Variants in HPSE2 observed in about 807,000 individuals in gnomAD.
The protein encoded by HPSE2 is heparanase 2 (inactive).
A neutral mutation model predicts 60.5 loss-of-function variants in HPSE2; 38 were observed. The ratio of observed to expected loss-of-function variants is 0.63; its 90% confidence interval spans 0.48 to 0.82. The LOEUF is 0.82. Among genes scored for constraint, HPSE2 ranks in the 40% least tolerant of loss-of-function variants. The probability of loss-of-function intolerance (pLI) is 0.00; values close to 1 mark genes in which losing one functional copy is unlikely to be tolerated. For synonymous variants in HPSE2, 295 were observed against 293.2 expected (o/e 1.01, Z -0.06); for missense variants, 713 against 740.4 (o/e 0.96, Z 0.43).
At chr10:98,832,129 G>C (rs1255309822) in intron 3 of HPSE2, among the ~76,000 whole-genome samples, 1 of 152,060 alleles carries the variant, frequency 6.6e-6, no homozygotes, top group Non-Finnish European at 1.5e-5. Context: ...ATATCTAACT[G>C]CTAAAGAGGT....
intron 2 of HPSE2, among the ~76,000 whole-genome samples, chr10:99,149,198 G>A (rs1305150830): frequency 8.6e-5 from 13 of 151,994 alleles, no homozygotes; most frequent in Admixed American, 6.6e-4. Context: ...TCAGTTCCAC[G>A]TGAGAAAACT....
intron 9 of HPSE2, among the ~76,000 whole-genome samples, chr10:98,547,547 T>A (rs1345782441): frequency 6.8e-6 from 1 of 146,104 alleles, no homozygotes; most frequent in Admixed American, 6.9e-5. Context: ...CAGTAAACTA[T>A]CGCAAGGACA....
At chr10:98,484,884 T>C (rs955585202) in intron 10 of HPSE2, among the ~76,000 whole-genome samples, 5 of 152,110 alleles carry the variant, frequency 3.3e-5, no homozygotes, top group Non-Finnish European at 7.4e-5. Context: ...AAATGCTTAG[T>C]TTCTAAGGGG....
At chr10:98,486,813 G>A (rs1026926777) in intron 10 of HPSE2, among the ~76,000 whole-genome samples, 1 of 152,098 alleles carries the variant, frequency 6.6e-6, no homozygotes, top group African/African-American at 2.4e-5. Flanking sequence ...GCCAGGCCAT[G>A]TTTTGCCAAA....
chr10:99,031,888 GA>G (rs1838619950), intron 3 of HPSE2, among the ~76,000 whole-genome samples: 2 of 152,106 alleles, frequency 1.3e-5, no homozygotes, highest in Admixed American at 1.3e-4. Flanking sequence ...CGTTTATATA[GA>G]AAATACCAGC....
chr10:99,085,750 G>C (rs1248585207), intron 3 of HPSE2, among the ~76,000 whole-genome samples: 1 of 152,154 alleles, frequency 6.6e-6, no homozygotes, highest in Non-Finnish European at 1.5e-5. Flanking sequence ...TAAGAAATGT[G>C]TACTTTCAGG....
intron 3 of HPSE2, among the ~76,000 whole-genome samples, chr10:98,841,760 G>A (rs78620915): frequency 2.6e-5 from 4 of 151,816 alleles, no homozygotes; most frequent in Non-Finnish European, 5.9e-5. Context: ...TCTTCCCCCA[G>A]TGGAATGTAA....
At chr10:98,600,116 C>T (rs1183360335) in intron 9 of HPSE2, among the ~76,000 whole-genome samples, 1 of 152,192 alleles carries the variant, frequency 6.6e-6, no homozygotes, top group Middle Eastern at 3.4e-3. Flanking sequence ...TTTTAGTGTA[C>T]GTTAGGTATG....
intron 3 of HPSE2, among the ~76,000 whole-genome samples, chr10:98,836,107 C>CT (rs1413736657): frequency 1.3e-5 from 2 of 152,206 alleles, no homozygotes; most frequent in Non-Finnish European, 2.9e-5. Flanking sequence ...CAGCAATATG[C>CT]TTTTTGTTTC....
At chr10:98,980,950 TGATAA>T (rs1474536194) in intron 3 of HPSE2, among the ~76,000 whole-genome samples, 1 of 152,158 alleles carries the variant, frequency 6.6e-6, no homozygotes, top group African/African-American at 2.4e-5. Context: ...GTCAGGAGTA[TGATAA>T]GATATTATAA....
chr10:98,917,475 C>G (rs1194860403), intron 3 of HPSE2, among the ~76,000 whole-genome samples: 1 of 152,154 alleles, frequency 6.6e-6, no homozygotes, highest in Admixed American at 6.5e-5. Context: ...ATTCTGAAAT[C>G]AATCCTGAAA....
At position 99,045,999 on chromosome 10, in the gene HPSE2, C is replaced by G. The variant is rs180694498; in HGVS notation, c.610+98239G>C. 4.7e-3 allele frequency among the ~76,000 whole-genome samples: 722 copies of G among 152,194 alleles called. 3 individuals are homozygous for G. Among genetic ancestry groups the G allele is most frequent in the African/African-American group, 0.017 (697 of 41,528 alleles). On this transcript the variant is annotated intron_variant, in intron 3 of 11. Transcript: ENST00000370552. ...CTAACTTATTTTAGGAAGCCAACAT[C>G]AGCCTAATACCAAAGCCTGGCAGGA...
chr10:99,053,194 T>C (rs528599673), intron 3 of HPSE2, among the ~76,000 whole-genome samples: 58 of 152,172 alleles, frequency 3.8e-4, no homozygotes, highest in Admixed American at 2.9e-3. Flanking sequence ...TTATAATATA[T>C]GTAAATGTAA....
chr10:99,120,577 G>A (rs1187358992), intron 3 of HPSE2, among the ~76,000 whole-genome samples: 1 of 151,852 alleles, frequency 6.6e-6, no homozygotes, highest in Non-Finnish European at 1.5e-5. Context: ...AGGTTCAAGT[G>A]ATTCTCCTAC....
chr10:99,267,662 C>T, the HPSE2 span, among the ~76,000 whole-genome samples: 3 of 151,838 alleles, frequency 2.0e-5, no homozygotes, highest in African/African-American at 7.3e-5. Context: ...GGCCTGTAGT[C>T]CCAGCTACTC....
chr10:99,163,918 T>C (rs1288238752), intron 2 of HPSE2, among the ~76,000 whole-genome samples: 3 of 152,102 alleles, frequency 2.0e-5, no homozygotes, highest in Admixed American at 1.3e-4. Flanking sequence ...TTAGCTCTTA[T>C]TAATGGTGAC....
At chr10:98,954,291 A>G (rs192223050) in intron 3 of HPSE2, among the ~76,000 whole-genome samples, 1 of 152,170 alleles carries the variant, frequency 6.6e-6, no homozygotes, top group Non-Finnish European at 1.5e-5. Flanking sequence ...TAGGCGAGAG[A>G]GTGAGACTCC....
chr10:99,052,170 G>T (rs929899874), intron 3 of HPSE2, among the ~76,000 whole-genome samples: 2 of 151,432 alleles, frequency 1.3e-5, no homozygotes, highest in Non-Finnish European at 2.9e-5. Flanking sequence ...CATAATCAAG[G>T]ACTATAGGAA....
intron 6 of HPSE2, among the ~76,000 whole-genome samples, chr10:98,645,005 A>C (rs533388650): frequency 1.3e-5 from 2 of 152,278 alleles, no homozygotes; most frequent in Admixed American, 1.3e-4. Flanking sequence ...TCTGGGTCTA[A>C]ATAAGGGAGG....
Sources: allele counts gnomAD v4.1 joint callset (sites outside exome capture counted in the v4.1 genomes callset), GRCh38; gene constraint gnomAD v4.1.1; transcripts MANE v1.5; gene names NCBI Gene and HGNC (gene_info 2026-07-23, HGNC 2026-07-21).